Variants in ALG9 observed in about 807,000 individuals in gnomAD.
ALG9 encodes the protein ALG9 alpha-1,2-mannosyltransferase, also known as alpha-1,2-mannosyltransferase ALG9.
In ALG9, 55 loss-of-function variants were observed where a neutral mutation model predicts 81.8. The ratio of observed to expected loss-of-function variants is 0.67; its 90% CI spans 0.54 to 0.84. ALG9 has a LOEUF of 0.84. ALG9 is among the 40% of genes least tolerant of loss of function. ALG9 has a pLI of 0.00. For missense variants in ALG9, 629 were observed against 745.0 expected (o/e 0.84, Z 1.81); for synonymous variants, 278 against 274.3 (o/e 1.01, Z -0.13).
chr11:111,822,323 C>T (rs1435718926), intron 13 of ALG9, among the ~76,000 whole-genome samples: 2 of 146,562 alleles, frequency 1.4e-5, no homozygotes, highest in African/African-American at 2.5e-5. Context: ...GCAGGAGGAT[C>T]GCTTAAGCCT....
intron 4 of ALG9, among the ~76,000 whole-genome samples, chr11:111,862,980 T>G (rs1475835681): frequency 1.3e-5 from 2 of 152,172 alleles, no homozygotes; most frequent in Non-Finnish European, 2.9e-5. Flanking sequence ...CACTAGAACT[T>G]TATCTCTGGT....
At chr11:111,834,494 T>A (rs1264458693) in intron 13 of ALG9, among the ~76,000 whole-genome samples, 1 of 152,210 alleles carries the variant, frequency 6.6e-6, no homozygotes, top group Non-Finnish European at 1.5e-5. Context: ...CAGAGAGATA[T>A]AATATCAAAT....
chr11:111,831,048 A>AT (rs1311715439), intron 13 of ALG9, among the ~76,000 whole-genome samples: 308 of 149,080 alleles, frequency 2.1e-3, no homozygotes, highest in Non-Finnish European at 3.1e-3. Flanking sequence ...GCTAATTTAA[A>AT]TTTTTTTTTT....
rs543063341 is a variant in ALG9 at position 111,858,343 on chromosome 11, A to G, written c.566-606T>C. Among the ~76,000 whole-genome samples, 9 of 152,310 alleles carry G rather than the reference A, an allele frequency of 5.9e-5. No homozygotes were observed. The South Asian group carries it at 1.9e-3, about 32-fold the overall frequency. ...AAACTCATAGAATTCCACGCTCCCC[A>G]GGAACACCCCATGATTATATTTCCA... On this transcript the variant is annotated intron_variant, in intron 5 of 14. Transcript: ENST00000616540.
Position 111,783,674 on chromosome 11 carries a change from T to A in ALG9, c.*2723A>T, listed in dbSNP as rs1555059025. On this transcript the variant is annotated 3_prime_UTR_variant, in exon 15 of 15. Transcript: ENST00000616540. ...TTCCTATACTAAAAAGTGATGGAGATTTTTTAAAATGTGTTTATAAAATAT... is the reference window on the plus strand; with the variant it reads ...TTCCTATACTAAAAAGTGATGGAGAATTTTTAAAATGTGTTTATAAAATAT... 2 of 152,070 alleles carry A rather than the reference T, an allele frequency of 1.3e-5. No homozygotes were observed. Among genetic ancestry groups the A allele is most frequent in the African/African-American group, 4.8e-5 (2 of 41,414 alleles). The allele number at this position is 152,070 out of a possible 1,614,324, so 9.4% of individuals were successfully genotyped here. A position where few individuals can be genotyped will look rare whatever the true frequency, so the allele number is the denominator to read the frequency against.
At chr11:111,800,667 A>G (rs1166535296) in intron 14 of ALG9, among the ~76,000 whole-genome samples, 22 of 152,104 alleles carry the variant, frequency 1.4e-4, no homozygotes, top group African/African-American at 5.3e-4. Flanking sequence ...TCCTCTTACA[A>G]CACATAACAC....
chr11:111,818,455 G>A lies in ALG9; in HGVS notation c.1603-8682C>T, dbSNP rs149154671. ...CACTGAGCAGCACACAACTGTAACTGAAAGAAGACCAATATGACTAAAATA... is the reference window on the plus strand; with the variant it reads ...CACTGAGCAGCACACAACTGTAACTAAAAGAAGACCAATATGACTAAAATA... On this transcript the variant is annotated intron_variant, in intron 13 of 14. Transcript: ENST00000616540. Among the ~76,000 whole-genome samples the A allele has an allele frequency of 1.8e-3, 276 of 152,280 alleles. 4 individuals carry two copies. The highest frequency in any genetic ancestry group is 6.1e-3 in the African/African-American group (253 of 41,566).
At position 111,837,341 on chromosome 11, in the gene ALG9, G is replaced by C; in HGVS notation, c.1472+127C>G. On this transcript the variant is annotated intron_variant, in intron 12 of 14. Transcript: ENST00000616540. ...CAGTACACAGGCCCCACAGCTCTCCGACGTGGTAGATAATTCAATAACTCT... is the reference window on the plus strand; with the variant it reads ...CAGTACACAGGCCCCACAGCTCTCCCACGTGGTAGATAATTCAATAACTCT... 4.5e-6 allele frequency: 5 copies of C among 1,114,226 alleles called. No individual in the cohort carries two copies. The South Asian group carries it at 6.9e-5, about 15-fold the overall frequency. 69.0% of individuals were successfully genotyped at this position (1,114,226 alleles called of 1,614,324 possible).
intron 14 of ALG9, chr11:111,805,459 T>C (rs72985305): frequency 0.036 from 14,131 of 390,942 alleles, 347 homozygotes; most frequent in Non-Finnish European, 0.052. Context: ...ATCCAGACAA[T>C]GGAATATTAT....
intron 14 of ALG9, among the ~76,000 whole-genome samples, chr11:111,795,016 C>T (rs1948038993): frequency 6.6e-6 from 1 of 152,176 alleles, no homozygotes; most frequent in Non-Finnish European, 1.5e-5. Context: ...CGGTGAGAGA[C>T]ATTATTCTAA....
intron 3 of ALG9, among the ~76,000 whole-genome samples, chr11:111,867,679 TC>T (rs1308260205): frequency 2.0e-5 from 3 of 152,160 alleles, no homozygotes; most frequent in Non-Finnish European, 4.4e-5. Flanking sequence ...TTTGAGATCT[TC>T]CTGATTCTCG....
At position 111,865,266 on chromosome 11, in the gene ALG9, G is replaced by A. The variant is rs1555151783; in HGVS notation, c.406-15C>T. 1.9e-6 allele frequency: 3 copies of A among 1,545,772 alleles called. No homozygotes were observed. The highest frequency in any genetic ancestry group is 4.9e-5 in the East Asian group (2 of 40,800). ...AACACAAGAATCTAAAAGAAACCCAGAAAAAGAAAACAGAAGTCACAGATA... is the reference window on the plus strand; with the variant it reads ...AACACAAGAATCTAAAAGAAACCCAAAAAAAGAAAACAGAAGTCACAGATA... On this transcript the variant is annotated splice_polypyrimidine_tract_variant and intron_variant, in intron 3 of 14. Coordinates refer to ENST00000616540, the MANE Select transcript of ALG9 (RefSeq NM_024740.2).
the ALG9 span, among the ~76,000 whole-genome samples, chr11:111,773,034 C>G: frequency 1.3e-5 from 2 of 151,256 alleles, no homozygotes; most frequent in Non-Finnish European, 2.9e-5. Flanking sequence ...GTCAGGAGAT[C>G]GAGACCATCC....
chr11:111,864,332 A>G (rs1262877758), intron 4 of ALG9: 19 of 801,480 alleles, frequency 2.4e-5, no homozygotes, highest in South Asian at 1.3e-4. Flanking sequence ...CAACTGCATA[A>G]AAGTTTCCCA....
intron 13 of ALG9, among the ~76,000 whole-genome samples, chr11:111,834,891 A>C (rs1197165432): frequency 6.6e-6 from 1 of 152,252 alleles, no homozygotes; most frequent in Non-Finnish European, 1.5e-5. Context: ...AATTAAAAGA[A>C]TAAAGCTCTA....
At chr11:111,853,538 T>C (rs1302518481) in intron 7 of ALG9, 53 bp from the exon 8 acceptor site, 3 of 1,577,184 alleles carry the variant, frequency 1.9e-6, no homozygotes, top group Non-Finnish European at 2.6e-6. Context: ...AAAATGCTAA[T>C]AGGATAAACC....
chr11:111,778,315 T>C (rs1276096393), downstream of ALG9: 1 of 152,216 alleles, frequency 6.6e-6, no homozygotes, highest in East Asian at 1.9e-4. Flanking sequence ...AGGTCTGCAA[T>C]TGCCAAAATT....
At chr11:111,818,498 T>C (rs1555100068) in intron 13 of ALG9, among the ~76,000 whole-genome samples, 1 of 152,178 alleles carries the variant, frequency 6.6e-6, no homozygotes, top group East Asian at 1.9e-4. Flanking sequence ...AGAGAACTGT[T>C]TTCTGTTCCT....
chr11:111,779,192 A>T (rs992634106), downstream of ALG9, among the ~76,000 whole-genome samples: 2 of 152,174 alleles, frequency 1.3e-5, no homozygotes, highest in South Asian at 4.1e-4. Flanking sequence ...TACAGGTCAC[A>T]GCTTCTTCAG....
Sources: gnomAD v4.1 joint callset for allele counts (sites outside exome capture counted in the v4.1 genomes callset) on GRCh38, gnomAD v4.1.1 for gene constraint, MANE v1.5 for transcripts, NCBI Gene and HGNC (gene_info 2026-07-23, HGNC 2026-07-21) for gene names.